The following PTPRC variants were observed in gnomAD, a reference collection of about 807,000 sequenced individuals.
PTPRC encodes protein tyrosine phosphatase receptor type C, also known as receptor-type tyrosine-protein phosphatase C.
PTPRC carries 44 observed loss-of-function variants against 155.9 expected under a neutral mutation model. The ratio of observed to expected loss-of-function variants is 0.28; its 90% CI spans 0.22 to 0.36. The LOEUF (loss-of-function observed/expected upper bound fraction) is 0.36, where lower values mean the gene tolerates loss of function less well. PTPRC is among the 10% of genes least tolerant of loss of function. The probability of loss-of-function intolerance (pLI) is 1.00; values close to 1 mark genes in which losing one functional copy is unlikely to be tolerated. For synonymous variants in PTPRC, 525 were observed against 533.1 expected (o/e 0.98, Z 0.21); for missense variants, 1,401 against 1,564.6 (o/e 0.90, Z 1.76).
chr1:198,661,372 A>G (rs1663952068), intron 2 of PTPRC, among the ~76,000 whole-genome samples: 1 of 150,778 alleles, frequency 6.6e-6, no homozygotes, highest in Non-Finnish European at 1.5e-5. Context: ...TGTATGAAAA[A>G]CAACCAGATA....
At chr1:198,642,828 C>G (rs1303189530) in intron 2 of PTPRC, among the ~76,000 whole-genome samples, 1 of 151,672 alleles carries the variant, frequency 6.6e-6, no homozygotes, top group Non-Finnish European at 1.5e-5. Context: ...TCTTTTTTGC[C>G]AGAGAAACTG....
chr1:198,697,331 A>T (rs1006134332), intron 4 of PTPRC, among the ~76,000 whole-genome samples: 2 of 152,198 alleles, frequency 1.3e-5, no homozygotes, highest in African/African-American at 2.4e-5. Flanking sequence ...GATTCTCTTT[A>T]TCCAAAAATT....
At chr1:198,711,226 C>A (rs543761878) in intron 11 of PTPRC, among the ~76,000 whole-genome samples, 1 of 152,130 alleles carries the variant, frequency 6.6e-6, no homozygotes, top group Non-Finnish European at 1.5e-5. Context: ...GCTACAAGAA[C>A]AGCAAATAAA....
chr1:198,699,251 G>C (rs1242570934), intron 4 of PTPRC, among the ~76,000 whole-genome samples: 1 of 152,112 alleles, frequency 6.6e-6, no homozygotes, highest in African/African-American at 2.4e-5. Flanking sequence ...TGTCCCATCT[G>C]TCAGTTTGTA....
At position 198,748,103 on chromosome 1, in the gene PTPRC, T is replaced by C. The variant is rs1239315539; in HGVS notation, c.2848-6T>C. The C allele has an allele frequency of 1.3e-6, 2 of 1,594,086 alleles. No individual in the cohort carries two copies. The highest frequency in any genetic ancestry group is 1.7e-6 in the Non-Finnish European group (2 of 1,171,196). On this transcript the variant is annotated splice_polypyrimidine_tract_variant and splice_region_variant and intron_variant, in intron 26 of 32. Coordinates refer to ENST00000442510, the MANE Select transcript of PTPRC (RefSeq NM_002838.5). ...GGAGTTTTTCTGTTTTTTTTTTTTT[T>C]TTCAGAGACTTCCTTCATATAGGAG...
chr1:198,690,188 ATATGT>A (rs1665854680), intron 2 of PTPRC, among the ~76,000 whole-genome samples: 2 of 152,186 alleles, frequency 1.3e-5, no homozygotes, highest in African/African-American at 4.8e-5. Flanking sequence ...AAATTTGGTG[ATATGT>A]TTTGTTCTTC....
intron 3 of PTPRC, chr1:198,694,285 T>C (rs1442927043): frequency 3.5e-6 from 2 of 571,486 alleles, no homozygotes; most frequent in African/African-American, 5.1e-5. Flanking sequence ...CTAGCCGTGC[T>C]GGCAGTTGCT....
At position 198,718,127 on chromosome 1, in the gene PTPRC, T is replaced by C; in HGVS notation, c.1484T>C (p.Met495Thr). 6.2e-7 allele frequency: 1 copy of C among 1,613,860 alleles called. No homozygotes were observed. The highest frequency in any genetic ancestry group is 8.5e-7 in the Non-Finnish European group (1 of 1,179,740). ...PSQVWNMTVS[M>T]TSDNSMHVKC... ...CAGGTCTGGAACATGACTGTCTCCA[T>C]GACATCAGATAATAGTATGCATGTC... Residue 495 changes from methionine to threonine, a missense_variant, in exon 14 of 33, where the codon ATG becomes ACG. Met to Thr is a moderately conservative substitution (Grantham distance 81, BLOSUM62 -1). This residue lies in a region of PTPRC where 867 missense variants were observed against 970.4 expected (regional missense o/e 0.89). Coordinates refer to ENST00000442510, the MANE Select transcript of PTPRC (RefSeq NM_002838.5).
At chr1:198,655,524 T>A (rs545021111) in intron 2 of PTPRC, among the ~76,000 whole-genome samples, 2 of 152,078 alleles carry the variant, frequency 1.3e-5, no homozygotes, top group African/African-American at 4.8e-5. Context: ...TTAGGCATTT[T>A]GGGACAAGTT....
intron 11 of PTPRC, among the ~76,000 whole-genome samples, chr1:198,711,885 A>G (rs1293389120): frequency 6.6e-6 from 1 of 152,206 alleles, no homozygotes; most frequent in Non-Finnish European, 1.5e-5. Context: ...ATCATTAGTT[A>G]ACTGAGAAAT....
intron 2 of PTPRC, among the ~76,000 whole-genome samples, chr1:198,678,017 C>T (rs1032437349): frequency 2.0e-5 from 3 of 151,706 alleles, no homozygotes; most frequent in East Asian, 1.9e-4. Flanking sequence ...TATGAAAATT[C>T]GAAAGCACAT....
intron 24 of PTPRC, 37 bp downstream of exon 24, chr1:198,742,063 A>C (rs545657318): frequency 1.9e-5 from 31 of 1,607,834 alleles, no homozygotes; most frequent in African/African-American, 1.2e-4. Context: ...ACAACAACAA[A>C]AAAACTCCAA....
chr1:198,664,067 T>C (rs1284013529), intron 2 of PTPRC, among the ~76,000 whole-genome samples: 1 of 152,036 alleles, frequency 6.6e-6, no homozygotes, highest in South Asian at 2.1e-4. Context: ...GTGAAGAGAA[T>C]GATAAATATT....
intron 2 of PTPRC, among the ~76,000 whole-genome samples, chr1:198,671,423 A>C (rs12061543): frequency 0.04 from 6,143 of 152,214 alleles, 391 homozygotes; most frequent in African/African-American, 0.13. Context: ...TATCTCAGCC[A>C]TCTGGCTCCT....
intron 26 of PTPRC, among the ~76,000 whole-genome samples, chr1:198,747,146 A>T (rs1655170508): frequency 6.6e-6 from 1 of 151,784 alleles, no homozygotes; most frequent in African/African-American, 2.4e-5. Context: ...ACTAGTGGAA[A>T]GACTGTAGGC....
chr1:198,746,356 C>G (rs1290424524), intron 26 of PTPRC, among the ~76,000 whole-genome samples: 1 of 151,624 alleles, frequency 6.6e-6, no homozygotes, highest in African/African-American at 2.4e-5. Context: ...CGTATCTTTT[C>G]TTGAAGCTGT....
chr1:198,693,934 G>A, intron 3 of PTPRC: 2 of 1,438,352 alleles, frequency 1.4e-6, no homozygotes, highest in Non-Finnish European at 1.8e-6. Flanking sequence ...GTTCTCTAGA[G>A]GGACAGAACT....
At chr1:198,705,440 T>C (rs535060617) in intron 8 of PTPRC, among the ~76,000 whole-genome samples, 9 of 150,942 alleles carry the variant, frequency 6.0e-5, no homozygotes, top group South Asian at 2.1e-4. Context: ...TTCTTTTTTT[T>C]TTTTTTTTCT....
In PTPRC at chr1:198,744,092, CAATCAGTTTGGAG is replaced by C; in HGVS notation, c.2739_2751del (p.Asn913LysfsTer4). ...TGATCCATCAGGCTTTGGTGGAATA[CAATCAGTTTGGAG>C]AAACAGAAGTGAATTTGTCTGAATT... On this transcript the variant is annotated frameshift_variant, in exon 26 of 33. Transcript: ENST00000442510. LOFTEE classifies it high-confidence loss of function. 6.2e-7 allele frequency: 1 copy of C among 1,605,592 alleles called. No homozygotes were observed. Among genetic ancestry groups the C allele is most frequent in the Non-Finnish European group, 8.5e-7 (1 of 1,173,134 alleles).
Sources: gnomAD v4.1 joint callset for allele counts (sites outside exome capture counted in the v4.1 genomes callset) on GRCh38, gnomAD v4.1.1 for gene constraint, gnomAD v4.1.1 regional missense constraint, MANE v1.5 for transcripts, NCBI Gene and HGNC (gene_info 2026-07-23, HGNC 2026-07-21) for gene names.